The following UBE2R2 variants were observed in gnomAD, a reference collection of about 807,000 sequenced individuals.
The protein encoded by UBE2R2 is ubiquitin conjugating enzyme E2 R2, also known as ubiquitin-conjugating enzyme E2 R2.
Under a neutral mutation model 27.8 loss-of-function variants are expected in UBE2R2, and 1 was observed. The ratio of observed to expected loss-of-function variants is 0.04; its 90% CI spans 0.01 to 0.17. The LOEUF (loss-of-function observed/expected upper bound fraction) is 0.17, where lower values mean the gene tolerates loss of function less well. Among genes scored for constraint, UBE2R2 ranks in the 10% least tolerant of loss-of-function variants. UBE2R2 has a pLI of 1.00. For synonymous variants in UBE2R2, 106 were observed against 113.3 expected, an observed-to-expected ratio of 0.94 and a Z score of 0.41; for missense variants, 100 against 291.0, an observed-to-expected ratio of 0.34 and a Z score of 4.78.
At chr9:33,875,345 A>C (rs544118886) in intron 1 of UBE2R2, among the ~76,000 whole-genome samples, 71 of 152,224 alleles carry the variant, frequency 4.7e-4, no homozygotes, top group Non-Finnish European at 8.2e-4. Context: ...TTTCTAATAT[A>C]TTGAACTTTA....
chr9:33,848,389 T>G (rs1587442245), intron 1 of UBE2R2, among the ~76,000 whole-genome samples: 1 of 152,156 alleles, frequency 6.6e-6, no homozygotes, highest in East Asian at 1.9e-4. Flanking sequence ...AGACTTTGCA[T>G]ACAAAATAAT....
chr9:33,902,897 C>A (rs760806111), intron 3 of UBE2R2, among the ~76,000 whole-genome samples: 1 of 152,036 alleles, frequency 6.6e-6, no homozygotes, highest in Admixed American at 6.6e-5. Context: ...GTCGGGAGTT[C>A]AAGACTAGCC....
chr9:33,822,928 TGA>T (rs1374876517), intron 1 of UBE2R2, among the ~76,000 whole-genome samples: 1 of 136,588 alleles, frequency 7.3e-6, no homozygotes, highest in South Asian at 2.6e-4. Flanking sequence ...TTTTTTTAGC[TGA>T]GTCTCGCTCT....
At chr9:33,849,010 A>T (rs1820905451) in intron 1 of UBE2R2, among the ~76,000 whole-genome samples, 1 of 151,736 alleles carries the variant, frequency 6.6e-6, no homozygotes, top group Non-Finnish European at 1.5e-5. Context: ...TAATCCCAGT[A>T]CTTTGGGAGG....
At chr9:33,862,095 C>T (rs1448798154) in intron 1 of UBE2R2, among the ~76,000 whole-genome samples, 1 of 151,932 alleles carries the variant, frequency 6.6e-6, no homozygotes, top group Non-Finnish European at 1.5e-5. Context: ...CCTCATGATT[C>T]ACCTGCCTCG....
intron 3 of UBE2R2, among the ~76,000 whole-genome samples, chr9:33,903,293 A>G (rs1312373776): frequency 6.6e-6 from 1 of 152,198 alleles, no homozygotes; most frequent in Admixed American, 6.5e-5. Flanking sequence ...GTTGTACTTT[A>G]ATAATGATTC....
In UBE2R2 at chr9:33,919,632, C is replaced by G. The variant is rs1489776801; in HGVS notation, c.*2395C>G. 2 of 152,174 alleles carry G rather than the reference C, an allele frequency of 1.3e-5. No individual in the cohort carries two copies. Among genetic ancestry groups the G allele is most frequent in the African/African-American group, 2.4e-5 (1 of 41,432 alleles). The allele number at this position is 152,174 out of a possible 1,614,324, so 9.4% of individuals were successfully genotyped here. A position where few individuals can be genotyped will look rare whatever the true frequency, so the allele number is the denominator to read the frequency against. On this transcript the variant is annotated 3_prime_UTR_variant, in exon 5 of 5. Transcript: ENST00000263228. The stretch of plus-strand genomic sequence containing the variant: ...AGTCTCTTGCTAGCAGGTGGACATT[C>G]TGGTATTTTAGACTGACTGAACGAA...
At chr9:33,856,867 G>T (rs905238564) in intron 1 of UBE2R2, among the ~76,000 whole-genome samples, 4 of 136,954 alleles carry the variant, frequency 2.9e-5, no homozygotes, top group Non-Finnish European at 6.2e-5. Context: ...CCGTCTGTCC[G>T]TCCTTCCTTC....
At chr9:33,852,833 C>T (rs1228325239) in intron 1 of UBE2R2, among the ~76,000 whole-genome samples, 1 of 152,042 alleles carries the variant, frequency 6.6e-6, no homozygotes, top group Non-Finnish European at 1.5e-5. Context: ...TATGGTGTAA[C>T]CCTGTCTCTA....
intron 1 of UBE2R2, among the ~76,000 whole-genome samples, chr9:33,877,799 C>CTCTGTCTGTCTGTCTGTCTGTCTGTCTG (rs546643488): frequency 1.4e-5 from 2 of 145,152 alleles, no homozygotes; most frequent in African/African-American, 2.7e-5. Context: ...TTTTGCCCCT[C>CTCTGTCTGTCTGTCTGTCTGTCTGTCTG]TCTGTCTGTC....
chr9:33,839,337 G>A (rs1260787545), intron 1 of UBE2R2, among the ~76,000 whole-genome samples: 5 of 152,004 alleles, frequency 3.3e-5, no homozygotes, highest in Admixed American at 6.6e-5. Flanking sequence ...TCCCAGGTTC[G>A]AGCAATTCTC....
At chr9:33,889,718 C>T (rs1046051378) in intron 2 of UBE2R2, among the ~76,000 whole-genome samples, 3 of 152,096 alleles carry the variant, frequency 2.0e-5, no homozygotes, top group Non-Finnish European at 2.9e-5. Flanking sequence ...GATGGAGTCT[C>T]GTTCTGTCAC....
At chr9:33,908,038 T>C (rs932291610) in intron 3 of UBE2R2, among the ~76,000 whole-genome samples, 2 of 152,218 alleles carry the variant, frequency 1.3e-5, no homozygotes, top group Non-Finnish European at 2.9e-5. Flanking sequence ...TTGGTCAGGC[T>C]GGTCTTGAAC....
chr9:33,843,393 T>G (rs2130742559), intron 1 of UBE2R2, among the ~76,000 whole-genome samples: 1 of 151,746 alleles, frequency 6.6e-6, no homozygotes, highest in Admixed American at 6.6e-5. Context: ...CTTACTTCAT[T>G]AGTAGTAATG....
chr9:33,870,930 A>T (rs1821473182), intron 1 of UBE2R2, among the ~76,000 whole-genome samples: 1 of 152,198 alleles, frequency 6.6e-6, no homozygotes, highest in African/African-American at 2.4e-5. Context: ...AGTCTCATTG[A>T]CTATACTTCC....
At chr9:33,879,750 CTT>C (rs66929161) in intron 1 of UBE2R2, among the ~76,000 whole-genome samples, 10,254 of 67,658 alleles carry the variant, frequency 0.15, 473 homozygotes, top group African/African-American at 0.18. Flanking sequence ...GGTCACAAGA[CTT>C]TTTTTTTTTT....
At chr9:33,883,728 A>G (rs1174005976) in intron 1 of UBE2R2, among the ~76,000 whole-genome samples, 5 of 151,318 alleles carry the variant, frequency 3.3e-5, no homozygotes, top group Middle Eastern at 3.4e-3. Flanking sequence ...AAAAAAAAAA[A>G]AAAGAAATAA....
intron 1 of UBE2R2, among the ~76,000 whole-genome samples, chr9:33,865,969 T>G (rs550616883): frequency 6.6e-6 from 1 of 151,568 alleles, no homozygotes; most frequent in South Asian, 2.1e-4. Flanking sequence ...GTAGCTAGGA[T>G]TACGGGTGCC....
intron 3 of UBE2R2, among the ~76,000 whole-genome samples, chr9:33,906,116 T>C (rs1321672373): frequency 2.3e-5 from 3 of 131,164 alleles, no homozygotes; most frequent in Non-Finnish European, 3.6e-5. Flanking sequence ...GTTGTTGCTG[T>C]TGTTGTTGTT....
Sources: gnomAD v4.1 joint callset for allele counts (sites outside exome capture counted in the v4.1 genomes callset) on GRCh38, gnomAD v4.1.1 for gene constraint, MANE v1.5 for transcripts, NCBI Gene and HGNC (gene_info 2026-07-23, HGNC 2026-07-21) for gene names.